Variants in NRG3 observed in about 807,000 individuals in gnomAD.
NRG3 encodes neuregulin 3.
In NRG3, 31 loss-of-function variants were observed where a neutral mutation model predicts 66.9. The ratio of observed to expected loss-of-function variants is 0.46; its 90% CI spans 0.35 to 0.63. NRG3 has a LOEUF of 0.63. NRG3 is among the 20% of genes least tolerant of loss of function. The pLI, the probability that NRG3 is intolerant of heterozygous loss-of-function variation, is 0.00. For synonymous variants in NRG3, 393 were observed against 359.4 expected (o/e 1.09, Z -1.06); for missense variants, 910 against 878.9 (o/e 1.04, Z -0.45).
chr10:82,769,333 A>G (rs1156756926), intron 3 of NRG3, among the ~76,000 whole-genome samples: 1 of 152,082 alleles, frequency 6.6e-6, no homozygotes, highest in Non-Finnish European at 1.5e-5. Flanking sequence ...GTTCCTGCAA[A>G]TATTGACTGA....
chr10:82,341,924 T>A (rs990458948), intron 1 of NRG3, among the ~76,000 whole-genome samples: 3 of 151,996 alleles, frequency 2.0e-5, no homozygotes, highest in Non-Finnish European at 4.4e-5. Context: ...CAGTTCCTGT[T>A]CTATTGATCT....
At chr10:82,917,032 T>G (rs1845904105) in intron 4 of NRG3, among the ~76,000 whole-genome samples, 1 of 152,202 alleles carries the variant, frequency 6.6e-6, no homozygotes, top group African/African-American at 2.4e-5. Flanking sequence ...GTAGCACACA[T>G]TGGGAAAGTT....
intron 2 of NRG3, among the ~76,000 whole-genome samples, chr10:82,388,106 G>C (rs2086123227): frequency 6.6e-6 from 1 of 152,078 alleles, no homozygotes; most frequent in Non-Finnish European, 1.5e-5. Flanking sequence ...TCATAAAAAT[G>C]ATTCCACAAC....
intron 1 of NRG3, among the ~76,000 whole-genome samples, chr10:81,902,773 TG>T (rs1844201991): frequency 6.6e-6 from 1 of 152,184 alleles, no homozygotes; most frequent in Non-Finnish European, 1.5e-5. Context: ...AGGGTGCATC[TG>T]TAAGTCAAGT....
At chr10:82,031,246 G>A (rs1212506055) in intron 1 of NRG3, among the ~76,000 whole-genome samples, 1 of 152,100 alleles carries the variant, frequency 6.6e-6, no homozygotes, top group Non-Finnish European at 1.5e-5. Context: ...GGATAATGAA[G>A]CACTGTTATT....
At chr10:82,957,319 G>A (rs757286346) in intron 5 of NRG3, among the ~76,000 whole-genome samples, 1 of 151,852 alleles carries the variant, frequency 6.6e-6, no homozygotes, top group Non-Finnish European at 1.5e-5. Flanking sequence ...TCAAATCCCA[G>A]TCCCTGTGAT....
intron 1 of NRG3, among the ~76,000 whole-genome samples, chr10:82,085,123 C>G (rs905505814): frequency 1.3e-5 from 2 of 152,136 alleles, no homozygotes; most frequent in African/African-American, 2.4e-5. Context: ...ACTCTCAGCT[C>G]TGAACGTTGT....
intron 1 of NRG3, among the ~76,000 whole-genome samples, chr10:81,878,302 C>G (rs778463099): frequency 1.3e-5 from 2 of 152,034 alleles, no homozygotes; most frequent in Non-Finnish European, 2.9e-5. Context: ...TTTTTTAAAC[C>G]TTTACAAGAA....
chr10:82,744,449 G>A (rs1345714239), intron 3 of NRG3, among the ~76,000 whole-genome samples: 1 of 152,100 alleles, frequency 6.6e-6, no homozygotes, highest in South Asian at 2.1e-4. Context: ...AACTCTCTGC[G>A]CCTCTTTTGG....
chr10:82,565,505 A>G (rs2045340856), intron 2 of NRG3, among the ~76,000 whole-genome samples: 1 of 152,094 alleles, frequency 6.6e-6, no homozygotes, highest in South Asian at 2.1e-4. Flanking sequence ...AATCCCCACC[A>G]AACACACACA....
chr10:82,274,384 A>C (rs2078741029), intron 1 of NRG3, among the ~76,000 whole-genome samples: 1 of 152,048 alleles, frequency 6.6e-6, no homozygotes, highest in African/African-American at 2.4e-5. Context: ...GAATTCTCAT[A>C]TTAAAAGAAG....
chr10:82,882,533 C>A (rs1002528512), intron 4 of NRG3, among the ~76,000 whole-genome samples: 8 of 152,172 alleles, frequency 5.3e-5, no homozygotes, highest in Non-Finnish European at 8.8e-5. Flanking sequence ...GAATGGAAGG[C>A]ACTGTCCAGT....
chr10:82,527,105 G>T (rs187765308), intron 2 of NRG3, among the ~76,000 whole-genome samples: 85 of 151,896 alleles, frequency 5.6e-4, no homozygotes, highest in African/African-American at 1.9e-3. Flanking sequence ...ATTTATAATA[G>T]CTACAAACTG....
chr10:82,058,268 A>G (rs2063954954), intron 1 of NRG3, among the ~76,000 whole-genome samples: 1 of 151,876 alleles, frequency 6.6e-6, no homozygotes, highest in South Asian at 2.1e-4. Context: ...ATCTAGTTTT[A>G]ACTTTGATAA....
At chr10:81,974,936 C>CAACT (rs1419011504) in intron 1 of NRG3, among the ~76,000 whole-genome samples, 1 of 152,024 alleles carries the variant, frequency 6.6e-6, no homozygotes, top group East Asian at 1.9e-4. Context: ...GTCTTAAAAT[C>CAACT]AACTGAAAGC....
At chr10:82,110,197 A>G (rs556708773) in intron 1 of NRG3, among the ~76,000 whole-genome samples, 1 of 152,320 alleles carries the variant, frequency 6.6e-6, no homozygotes, top group South Asian at 2.1e-4. Context: ...TGAGGGAGCC[A>G]TACAGATATC....
At chr10:82,891,259 G>T (rs1310753630) in intron 4 of NRG3, among the ~76,000 whole-genome samples, 1 of 151,604 alleles carries the variant, frequency 6.6e-6, no homozygotes, top group Non-Finnish European at 1.5e-5. Flanking sequence ...ATTCTAATCG[G>T]TCTGCTTAAA....
rs752213201 is a variant in NRG3 at position 82,985,486 on chromosome 10, G to A, written c.1972G>A (p.Glu658Lys). 12 of 1,614,080 alleles carry A rather than the reference G, an allele frequency of 7.4e-6. No homozygotes were observed. Among genetic ancestry groups the A allele is most frequent in the Non-Finnish European group, 7.6e-6 (9 of 1,180,012 alleles). Residue 658 changes from glutamate (E) to lysine (K), a missense_variant, in exon 9 of 9, where the codon GAG (glutamate) becomes AAG (lysine). Physicochemically the swap from Glu to Lys is moderately conservative, Grantham distance 56. Transcript: ENST00000372141. ...CTACGAACTGGCCAGCGTAGAAACC[G>A]AGGACAGTGCAAGCGAAAACACAGC... ...EDYELASVET[E>K]DSASENTAFL...
At chr10:82,819,903 CT>C (rs1274861865) in intron 3 of NRG3, among the ~76,000 whole-genome samples, 1 of 152,120 alleles carries the variant, frequency 6.6e-6, no homozygotes, top group Non-Finnish European at 1.5e-5. Context: ...GAAAAGCATC[CT>C]CCATGGATGT....
Sources: allele counts gnomAD v4.1 joint callset (sites outside exome capture counted in the v4.1 genomes callset), GRCh38; gene constraint gnomAD v4.1.1; transcripts MANE v1.5; gene names NCBI Gene and HGNC (gene_info 2026-07-23, HGNC 2026-07-21).